The following GABRA3 variants were observed in gnomAD, a reference collection of about 807,000 sequenced individuals.
GABRA3 encodes the protein gamma-aminobutyric acid type A receptor subunit alpha3.
In GABRA3, 10 loss-of-function variants were observed where a neutral mutation model predicts 30.1. The ratio of observed to expected loss-of-function variants is 0.33; its 90% confidence interval spans 0.20 to 0.56. The LOEUF (loss-of-function observed/expected upper bound fraction) is 0.56, where lower values mean the gene tolerates loss of function less well. Ranked by LOEUF, GABRA3 falls within the 20% of genes least tolerant of loss-of-function variation. The pLI is 0.89. For synonymous variants in GABRA3, 151 were observed against 146.8 expected (o/e 1.03, Z -0.21); for missense variants, 233 against 392.0 (o/e 0.59, Z 3.42).
intron 1 of GABRA3, among the ~76,000 whole-genome samples, chrX:152,419,793 C>A (rs1012755731): frequency 2.7e-5 from 3 of 111,594 alleles, no homozygotes; most frequent in African/African-American, 9.8e-5. Context: ...AATCCCAAAA[C>A]CTCACACAAA....
At chrX:152,236,157 A>C (rs1296042044) in intron 5 of GABRA3, among the ~76,000 whole-genome samples, 5 of 54,122 alleles carry the variant, frequency 9.2e-5, no homozygotes, top group African/African-American at 4.0e-4. Context: ...CCCCCACCCC[A>C]CCACAGTCCC....
intron 1 of GABRA3, among the ~76,000 whole-genome samples, chrX:152,381,136 A>T (rs1929132732): frequency 8.9e-6 from 1 of 111,885 alleles, no homozygotes; most frequent in Admixed American, 9.5e-5. Flanking sequence ...AAAAGCCCTG[A>T]CCAGCAGCCA....
intron 5 of GABRA3, among the ~76,000 whole-genome samples, chrX:152,229,795 T>C (rs1308513138): frequency 9.0e-6 from 1 of 110,942 alleles, no homozygotes; most frequent in Non-Finnish European, 1.9e-5. Context: ...AAGCAGAGGG[T>C]AATTTGATCA....
At chrX:152,438,304 A>C (rs1226311820) in intron 1 of GABRA3, among the ~76,000 whole-genome samples, 2 of 112,279 alleles carry the variant, frequency 1.8e-5, no homozygotes, top group Non-Finnish European at 3.8e-5. Context: ...AATGTAGACA[A>C]CACCAAATGC....
intron 5 of GABRA3, among the ~76,000 whole-genome samples, chrX:152,225,130 AC>A (rs80164841): frequency 2.8e-5 from 3 of 105,843 alleles, no homozygotes; most frequent in South Asian, 4.2e-4. Flanking sequence ...TTCCTTAGAC[AC>A]CCCCCCCAAG....
At chrX:152,405,529 C>A (rs1368985431) in intron 1 of GABRA3, among the ~76,000 whole-genome samples, 9 of 109,964 alleles carry the variant, frequency 8.2e-5, no homozygotes. Context: ...CACACTTTCC[C>A]CAACTCCAGG....
At chrX:152,438,224 C>T (rs1465264177) in intron 1 of GABRA3, among the ~76,000 whole-genome samples, 2 of 111,718 alleles carry the variant, frequency 1.8e-5, no homozygotes, top group Non-Finnish European at 3.8e-5. Flanking sequence ...ACTCGTATGT[C>T]GCTAGGGAAT....
At chrX:152,370,426 C>G (rs775610502) in intron 1 of GABRA3, among the ~76,000 whole-genome samples, 1 of 111,804 alleles carries the variant, frequency 8.9e-6, no homozygotes, top group Non-Finnish European at 1.9e-5. Flanking sequence ...TTAAGGTCAT[C>G]TAATTCCACC....
chrX:152,434,415 TAATCATGGAAGTTA>T (rs1351741091), intron 1 of GABRA3, among the ~76,000 whole-genome samples: 2 of 111,120 alleles, frequency 1.8e-5, no homozygotes, highest in Non-Finnish European at 3.8e-5. Context: ...TGGGACCTTG[TAATCATGGAAGTTA>T]ATACTTAATA....
At chrX:152,177,331 A>T (rs1937086827) in intron 9 of GABRA3, among the ~76,000 whole-genome samples, 1 of 111,553 alleles carries the variant, frequency 9.0e-6, no homozygotes, top group Non-Finnish European at 1.9e-5. Flanking sequence ...TATGAGGAGT[A>T]GGAGGATACG....
intron 1 of GABRA3, chrX:152,393,317 A>AG (rs1929543635): frequency 3.6e-6 from 1 of 280,555 alleles, no homozygotes; most frequent in African/African-American, 2.9e-5. Flanking sequence ...ACAGATAAAC[A>AG]ATGTGCAGAA....
At chrX:152,224,686 C>G in intron 6 of GABRA3, 77 bp downstream of exon 6, 1 of 746,068 alleles carries the variant, frequency 1.3e-6, no homozygotes, top group Non-Finnish European at 2.0e-6. Flanking sequence ...TTGCAGTGGA[C>G]AGAATATAAT....
At chrX:152,425,747 C>T (rs1569422774) in intron 1 of GABRA3, among the ~76,000 whole-genome samples, 1 of 110,217 alleles carries the variant, frequency 9.1e-6, no homozygotes, top group Non-Finnish European at 1.9e-5. Context: ...TACTCTCGCA[C>T]CTGGAGGAGA....
chrX:152,330,755 G>A (rs55646684), intron 3 of GABRA3, among the ~76,000 whole-genome samples: 11,621 of 108,288 alleles, frequency 0.11, 523 homozygotes, highest in African/African-American at 0.13. Context: ...TGTAAATGAC[G>A]AGTTAATAGG....
At chrX:152,243,415 T>A (rs1306307895) in intron 5 of GABRA3, among the ~76,000 whole-genome samples, 1 of 111,999 alleles carries the variant, frequency 8.9e-6, no homozygotes, top group Non-Finnish European at 1.9e-5. Flanking sequence ...CCCCAATGCA[T>A]AAATATATCA....
chrX:152,361,661 T>C (rs57709073), intron 2 of GABRA3, among the ~76,000 whole-genome samples: 12,740 of 107,934 alleles, frequency 0.12, 678 homozygotes, highest in African/African-American at 0.17. Context: ...TGTTTGTTTG[T>C]TTTAGAGATA....
intron 3 of GABRA3, among the ~76,000 whole-genome samples, chrX:152,302,169 TAAG>T (rs1320516950): frequency 9.2e-6 from 1 of 109,271 alleles, no homozygotes; most frequent in Non-Finnish European, 1.9e-5. Flanking sequence ...AAACAAATAA[TAAG>T]ATGATGAATG....
intron 3 of GABRA3, among the ~76,000 whole-genome samples, chrX:152,309,716 C>G (rs890790938): frequency 9.0e-6 from 1 of 111,593 alleles, no homozygotes; most frequent in Non-Finnish European, 1.9e-5. Context: ...ACAATTAACA[C>G]TACAAAGCAA....
chrX:152,383,944 A>G (rs187864668), intron 1 of GABRA3, among the ~76,000 whole-genome samples: 1 of 97,782 alleles, frequency 1.0e-5, no homozygotes, highest in East Asian at 3.2e-4. Flanking sequence ...CATGATTTTT[A>G]TATGTGGAAA....
Sources: allele counts gnomAD v4.1 joint callset (sites outside exome capture counted in the v4.1 genomes callset), GRCh38; gene constraint gnomAD v4.1.1; transcripts MANE v1.5; gene names NCBI Gene and HGNC (gene_info 2026-07-23, HGNC 2026-07-21).